KCNN1: variants seen among roughly 807,000 people sequenced by gnomAD.
KCNN1 encodes small conductance calcium-activated potassium channel protein 1.
In KCNN1, 20 loss-of-function variants were observed where a neutral mutation model predicts 44.7. That is an observed-to-expected ratio of 0.45 (90% confidence interval 0.32 to 0.65). The LOEUF is 0.65. Among genes scored for constraint, KCNN1 ranks in the 30% least tolerant of loss-of-function variants. The pLI is 0.05. For synonymous variants in KCNN1, 324 were observed against 341.7 expected, an observed-to-expected ratio of 0.95 and a Z score of 0.57; for missense variants, 632 against 785.3, an observed-to-expected ratio of 0.80 and a Z score of 2.33.
chr19:17,995,262 T>A (rs2032944117), intron 9 of KCNN1, among the ~76,000 whole-genome samples: 1 of 150,546 alleles, frequency 6.6e-6, no homozygotes, highest in South Asian at 2.1e-4. Flanking sequence ...AGCCTCAACC[T>A]CCCCAGGCTC....
chr19:17,951,843 A>G (rs2031417249), intron 1 of KCNN1, among the ~76,000 whole-genome samples: 1 of 151,890 alleles, frequency 6.6e-6, no homozygotes, highest in Non-Finnish European at 1.5e-5. Context: ...TCTTTCCCGG[A>G]GCTGAGAGAG....
chr19:17,955,287 G>A (rs1293132358), intron 2 of KCNN1, among the ~76,000 whole-genome samples: 3 of 150,110 alleles, frequency 2.0e-5, no homozygotes, highest in Admixed American at 6.6e-5. Flanking sequence ...AAGGCCAGAC[G>A]TGGTGGCTTA....
At chr19:17,957,057 A>G (rs2073089547) in intron 2 of KCNN1, among the ~76,000 whole-genome samples, 1 of 151,118 alleles carries the variant, frequency 6.6e-6, no homozygotes, top group Admixed American at 6.7e-5. Flanking sequence ...TCAAAAAACA[A>G]AACAAAACAA....
chr19:17,993,876 G>T lies in KCNN1; in HGVS notation c.1377+317G>T, dbSNP rs1327165878. ...AGTGAGCCGAGATGGCACCACTGCA[G>T]TCCAGCCTGGGTGACAGAGTGACAC... On this transcript the variant is annotated intron_variant, in intron 9 of 9. Coordinates refer to ENST00000684775, the MANE Select transcript of KCNN1 (RefSeq NM_001386974.1). This position sits in a 1 kb window ranked among gnomAD's most constrained non-coding sequence, Gnocchi z 4.5. Among the ~76,000 whole-genome samples the T allele has an allele frequency of 6.6e-6, 1 of 152,046 alleles. No individual in the cohort carries two copies. Among genetic ancestry groups the T allele is most frequent in the Non-Finnish European group, 1.5e-5 (1 of 67,984 alleles).
At position 17,967,215 on chromosome 19, in the gene KCNN1, GC is replaced by G; in HGVS notation, c.-180del. On this transcript the variant is annotated 5_prime_UTR_variant, in exon 1 of 10. An upstream open reading frame in the 5' UTR gains an earlier in-frame stop. Coordinates refer to ENST00000684775, the MANE Select transcript of KCNN1 (RefSeq NM_001386974.1). ...GCCCCGCGCCCGCTCGCTGCTGCCC[GC>G]CCCGTCCGCGACCCCGGCTCCGGCT... 1.3e-6 allele frequency: 1 copy of G among 751,144 alleles called. No homozygotes were observed. Among genetic ancestry groups the G allele is most frequent in the Non-Finnish European group, 1.6e-6 (1 of 621,716 alleles). 46.5% of individuals were successfully genotyped at this position (751,144 alleles called of 1,614,324 possible).
At position 17,986,336 on chromosome 19, in the gene KCNN1, C is replaced by A. The variant is rs570587536; in HGVS notation, c.1059+883C>A. 4.0e-5 allele frequency among the ~76,000 whole-genome samples: 6 copies of A among 150,948 alleles called. No homozygotes were observed. In the East Asian group the frequency reaches 7.8e-4, roughly 20 times the overall value. ...GGAGATCACGTCATTGCACTCCAGC[C>A]TGGGCAACCAGAGTGAACTAAGTCT... On this transcript the variant is annotated intron_variant, in intron 5 of 9. Transcript: ENST00000684775.
intron 2 of KCNN1, among the ~76,000 whole-genome samples, chr19:17,959,035 G>A (rs1347126382): frequency 8.1e-6 from 1 of 122,838 alleles, no homozygotes; most frequent in Admixed American, 8.1e-5. Flanking sequence ...TATTTATTTT[G>A]GAGACGGAGT....
upstream of KCNN1, among the ~76,000 whole-genome samples, chr19:17,962,643 T>C (rs897211634): frequency 4.6e-5 from 7 of 151,768 alleles, no homozygotes; most frequent in African/African-American, 1.7e-4. Flanking sequence ...CACCCTGGTA[T>C]TCCCACTCCG....
intron 2 of KCNN1, among the ~76,000 whole-genome samples, chr19:17,960,207 C>T (rs148560475): frequency 2.6e-5 from 4 of 152,284 alleles, no homozygotes; most frequent in African/African-American, 9.6e-5. Flanking sequence ...TGCCACTGGC[C>T]TCCAATGAGG....
At chr19:17,971,136 A>G (rs948299607) in intron 1 of KCNN1, among the ~76,000 whole-genome samples, 2 of 151,778 alleles carry the variant, frequency 1.3e-5, no homozygotes, top group Non-Finnish European at 2.9e-5. Context: ...TGCCCACCTC[A>G]GCCTCCCAAA....
upstream of KCNN1, among the ~76,000 whole-genome samples, chr19:17,963,603 A>C (rs1451331500): frequency 6.6e-6 from 1 of 152,064 alleles, no homozygotes; most frequent in East Asian, 1.9e-4. Flanking sequence ...GGCATGAGCC[A>C]CCACACCCAG....
At chr19:17,982,465 C>A (rs966699233) in intron 4 of KCNN1, 3 of 784,808 alleles carry the variant, frequency 3.8e-6, no homozygotes, top group Non-Finnish European at 4.6e-6. Context: ...CCCCGGGGGG[C>A]GCAGGCAGCA....
intron 3 of KCNN1, among the ~76,000 whole-genome samples, chr19:17,977,105 T>C (rs2032233023): frequency 6.6e-6 from 1 of 152,114 alleles, no homozygotes; most frequent in South Asian, 2.1e-4. Context: ...GATCAAGGCG[T>C]TAGCAGGGTT....
intron 5 of KCNN1, among the ~76,000 whole-genome samples, chr19:17,985,842 G>T (rs1402642058): frequency 1.3e-5 from 2 of 152,238 alleles, no homozygotes; most frequent in Non-Finnish European, 2.9e-5. Context: ...AGTTTCCTCA[G>T]CTGTGACCAG....
intron 1 of KCNN1, among the ~76,000 whole-genome samples, chr19:17,954,169 C>G (rs1300776624): frequency 6.6e-6 from 1 of 152,164 alleles, no homozygotes; most frequent in Non-Finnish European, 1.5e-5. Flanking sequence ...CCCAGCTCAG[C>G]AACACCAAGC....
At chr19:17,973,182 T>C (rs1044510272) in intron 1 of KCNN1, among the ~76,000 whole-genome samples, 1 of 152,242 alleles carries the variant, frequency 6.6e-6, no homozygotes, top group Non-Finnish European at 1.5e-5. Flanking sequence ...TTGTCCAGGC[T>C]GGATTTAAAC....
chr19:17,966,391 C>T (rs2145911517), upstream of KCNN1, among the ~76,000 whole-genome samples: 1 of 152,258 alleles, frequency 6.6e-6, no homozygotes, highest in South Asian at 2.1e-4. Context: ...TCCCTGGAGC[C>T]GCCATTAACT....
intron 1 of KCNN1, among the ~76,000 whole-genome samples, chr19:17,968,037 C>T (rs113899073): frequency 0.17 from 24,295 of 144,400 alleles, 2,305 homozygotes; most frequent in East Asian, 0.37. Context: ...TGTCTGTCTG[C>T]CCTGCAGAGC....
intron 6 of KCNN1, 72 bp downstream of exon 6, chr19:17,988,597 T>C: frequency 8.9e-7 from 1 of 1,121,670 alleles, no homozygotes. Context: ...CTGCTTTCCC[T>C]CTGTACGTGC....
Sources: gnomAD v4.1 joint callset for allele counts (sites outside exome capture counted in the v4.1 genomes callset) on GRCh38, gnomAD v4.1.1 for gene constraint, Gnocchi (gnomAD v3.1) non-coding constraint, MANE v1.5 for transcripts, NCBI Gene and HGNC (gene_info 2026-07-23, HGNC 2026-07-21) for gene names.